CDH8: variants seen among roughly 807,000 people sequenced by gnomAD.
CDH8 encodes cadherin 8.
Under a neutral mutation model 68.1 loss-of-function variants are expected in CDH8, and 17 were observed. The ratio of observed to expected loss-of-function variants is 0.25; its 90% confidence interval spans 0.17 to 0.37. CDH8 has a LOEUF of 0.37. Ranked by LOEUF, CDH8 falls within the 10% of genes least tolerant of loss-of-function variation. The pLI, the probability that CDH8 is intolerant of heterozygous loss-of-function variation, is 1.00. For missense variants in CDH8, 763 were observed against 999.3 expected (o/e 0.76, Z 3.19); for synonymous variants, 372 against 365.1 (o/e 1.02, Z -0.21).
At chr16:61,972,990 A>C (rs1321819850) in intron 2 of CDH8, among the ~76,000 whole-genome samples, 6 of 152,240 alleles carry the variant, frequency 3.9e-5, no homozygotes, top group Admixed American at 3.9e-4. Context: ...AGAAAATTCA[A>C]GTCTAAATAG....
At chr16:61,732,947 C>A (rs937278388) in intron 8 of CDH8, among the ~76,000 whole-genome samples, 2 of 151,338 alleles carry the variant, frequency 1.3e-5, no homozygotes, top group Admixed American at 1.3e-4. Flanking sequence ...TCGACAGGAA[C>A]AAATGAAAAG....
At chr16:61,691,661 C>G (rs1212656790) in intron 10 of CDH8, 2 of 151,744 alleles carry the variant, frequency 1.3e-5, no homozygotes, top group Non-Finnish European at 2.9e-5. Flanking sequence ...GTCACAGTAC[C>G]TCTTTCTCGT....
Position 61,771,576 on chromosome 16 carries a change from C to T in CDH8, c.1414+17770G>A, listed in dbSNP as rs929232542. ...AACAAAAACAAAGCTTGGACAGAGG[C>T]GCTCTAAAAAGTCAGAGTCCTTTAA... On this transcript the variant is annotated intron_variant, in intron 8 of 11. Transcript: ENST00000577390. 1.5e-4 allele frequency among the ~76,000 whole-genome samples: 23 copies of T among 150,678 alleles called. 1 individual carries two copies. Among genetic ancestry groups the T allele is most frequent in the African/African-American group, 4.6e-4 (19 of 40,964 alleles).
intron 9 of CDH8, among the ~76,000 whole-genome samples, chr16:61,722,302 T>C (rs1489245831): frequency 1.3e-5 from 2 of 150,840 alleles, no homozygotes; most frequent in African/African-American, 4.8e-5. Flanking sequence ...AAATCAAAAA[T>C]TTATTTGACA....
At chr16:61,932,218 A>AAAAAAAG (rs577005665) in intron 2 of CDH8, among the ~76,000 whole-genome samples, 1 of 146,868 alleles carries the variant, frequency 6.8e-6, no homozygotes, top group African/African-American at 2.6e-5. Flanking sequence ...AAAAAAAAAA[A>AAAAAAAG]AAAAGAAAAG....
chr16:61,815,492 G>T lies in CDH8; in HGVS notation c.1277+1987C>A, dbSNP rs552832566. On this transcript the variant is annotated intron_variant, in intron 7 of 11. Coordinates refer to ENST00000577390, the MANE Select transcript of CDH8 (RefSeq NM_001796.5). The stretch of plus-strand genomic sequence containing the variant: ...TAAGATGCTACTTTTACTATGGCAT[G>T]AAAGTTCCTTAAGCCTCATCTCTAG... Among the ~76,000 whole-genome samples, 11 of 152,308 alleles carry T rather than the reference G, an allele frequency of 7.2e-5. No individual in the cohort carries two copies. The South Asian group carries it at 2.3e-3, about 32-fold the overall frequency.
Position 61,647,827 on chromosome 16 carries a change from CCA to C in CDH8, c.*5779_*5780del, listed in dbSNP as rs2142725044. ...CTGAGTTCATTGAAGCCATGGTTTT[CCA>C]CAGTCTTTCTCTTCAGACAGCATCT... On this transcript the variant is annotated 3_prime_UTR_variant, in exon 12 of 12. Coordinates refer to ENST00000577390, the MANE Select transcript of CDH8 (RefSeq NM_001796.5). 1.4e-6 allele frequency: 1 copy of C among 699,942 alleles called. No homozygotes were observed. The highest frequency in any genetic ancestry group is 2.7e-5 in the East Asian group (1 of 37,206). The allele number at this position is 699,942 out of a possible 1,614,324, so 43.4% of individuals were successfully genotyped here.
intron 2 of CDH8, among the ~76,000 whole-genome samples, chr16:61,904,448 C>G (rs913180551): frequency 1.2e-4 from 19 of 152,156 alleles, no homozygotes; most frequent in Non-Finnish European, 2.4e-4. Flanking sequence ...GAGCAGGGAT[C>G]CCCAATTTCT....
At position 61,959,984 on chromosome 16, in the gene CDH8, G is replaced by GTGTATATATATATATATA. The variant is rs1385952323; in HGVS notation, c.253-58512_253-58511insTATATATATATATATACA. ...GTATGTGGTGTATGTGTGTGTGTGT[G>GTGTATATATATATATATA]TATATATATATATATATATATATAT... On this transcript the variant is annotated intron_variant, in intron 2 of 11. Coordinates refer to ENST00000577390, the MANE Select transcript of CDH8 (RefSeq NM_001796.5). 2.5e-4 allele frequency among the ~76,000 whole-genome samples: 11 copies of GTGTATATATATATATATA among 44,536 alleles called. 1 individual carries two copies. The highest frequency in any genetic ancestry group is 2.3e-3 in the East Asian group (2 of 878). The allele number at this position is 44,536 out of a possible 152,430, so 29.2% of individuals were successfully genotyped here. A position where few individuals can be genotyped will look rare whatever the true frequency, so the allele number is the denominator to read the frequency against.
At chr16:62,002,568 G>A (rs1043691632) in intron 2 of CDH8, among the ~76,000 whole-genome samples, 8 of 152,206 alleles carry the variant, frequency 5.3e-5, no homozygotes, top group Non-Finnish European at 7.3e-5. Context: ...TAGCATTATT[G>A]ATGGTAATCA....
chr16:61,724,695 G>A (rs77637219), intron 9 of CDH8, among the ~76,000 whole-genome samples: 4,443 of 150,780 alleles, frequency 0.029, 98 homozygotes, highest in South Asian at 0.049. Context: ...GAATTTAATG[G>A]CTCATTCGGT....
chr16:61,706,620 C>CAAAAAA lies in CDH8; in HGVS notation c.1654+7215_1654+7220dup, dbSNP rs781148249. ...TGGGCACCAGAGCAAGACTCTGTCT[C>CAAAAAA]AAAAAAAAAAAAAAAAAAAAAAAAG... On this transcript the variant is annotated intron_variant, in intron 10 of 11. Coordinates refer to ENST00000577390, the MANE Select transcript of CDH8 (RefSeq NM_001796.5). Among the ~76,000 whole-genome samples, 143 of 60,352 alleles carry CAAAAAA rather than the reference C, an allele frequency of 2.4e-3. 7 individuals carry two copies. Among genetic ancestry groups the CAAAAAA allele is most frequent in the African/African-American group, 5.2e-3 (75 of 14,322 alleles). 39.6% of individuals were successfully genotyped at this position (60,352 alleles called of 152,430 possible).
chr16:61,838,467 G>A (rs1387733488), intron 4 of CDH8, among the ~76,000 whole-genome samples: 1 of 152,122 alleles, frequency 6.6e-6, no homozygotes, highest in African/African-American at 2.4e-5. Context: ...GGATAGAGGG[G>A]TGTCTCCGCA....
intron 10 of CDH8, among the ~76,000 whole-genome samples, chr16:61,675,610 A>C (rs1338922674): frequency 1.3e-5 from 1 of 74,484 alleles, no homozygotes; most frequent in Non-Finnish European, 2.5e-5. Flanking sequence ...AAAAAAAAAT[A>C]AAAAAAATAA....
intron 2 of CDH8, among the ~76,000 whole-genome samples, chr16:61,975,961 G>A (rs1965426880): frequency 6.6e-6 from 1 of 152,150 alleles, no homozygotes; most frequent in South Asian, 2.1e-4. Context: ...TAAAGACAAT[G>A]AGAAATTTGA....
chr16:61,979,613 G>A (rs1392176064), intron 2 of CDH8, among the ~76,000 whole-genome samples: 1 of 151,478 alleles, frequency 6.6e-6, no homozygotes, highest in African/African-American at 2.4e-5. Context: ...ACAGAAGACA[G>A]GCAATAAAGA....
At chr16:61,863,207 A>G (rs1289728357) in intron 3 of CDH8, among the ~76,000 whole-genome samples, 1 of 152,102 alleles carries the variant, frequency 6.6e-6, no homozygotes, top group Non-Finnish European at 1.5e-5. Context: ...CACTCGTTTA[A>G]GTGAAATTTG....
intron 4 of CDH8, among the ~76,000 whole-genome samples, chr16:61,827,982 G>A (rs1340632541): frequency 6.6e-6 from 1 of 151,818 alleles, no homozygotes; most frequent in Non-Finnish European, 1.5e-5. Context: ...ATAGGGGTTA[G>A]GTAAAATAAG....
chr16:61,660,813 G>A lies in CDH8; in HGVS notation c.1655-5092C>T, dbSNP rs368093823. 7.2e-5 allele frequency among the ~76,000 whole-genome samples: 11 copies of A among 152,018 alleles called. No individual in the cohort carries two copies. The South Asian group carries it at 2.3e-3, about 32-fold the overall frequency. On this transcript the variant is annotated intron_variant, in intron 10 of 11. Transcript: ENST00000577390. ...AATTGTCAACCAACAATCATATTCAGCAGAGCTATCTTTCAAAATAAATAT... is the reference window on the plus strand; with the variant it reads ...AATTGTCAACCAACAATCATATTCAACAGAGCTATCTTTCAAAATAAATAT...
Sources: allele counts gnomAD v4.1 joint callset (sites outside exome capture counted in the v4.1 genomes callset), GRCh38; gene constraint gnomAD v4.1.1; transcripts MANE v1.5; gene names NCBI Gene and HGNC (gene_info 2026-07-23, HGNC 2026-07-21).